FAM216B: variants seen among roughly 807,000 people sequenced by gnomAD.
FAM216B encodes protein FAM216B.
In FAM216B, 11 loss-of-function variants were observed where a neutral mutation model predicts 12.9. That is an observed-to-expected ratio of 0.86 (90% CI 0.54 to 1.42). FAM216B has a LOEUF of 1.42. Among genes scored for constraint, FAM216B ranks in the 40% most tolerant of loss-of-function variants. The pLI is 0.00. For missense variants in FAM216B, 167 were observed against 162.9 expected (o/e 1.02, Z -0.14); for synonymous variants, 52 against 57.2 (o/e 0.91, Z 0.41).
intron 2 of FAM216B, among the ~76,000 whole-genome samples, chr13:42,786,185 T>C (rs1874079680): frequency 6.6e-6 from 1 of 152,234 alleles, no homozygotes; most frequent in South Asian, 2.1e-4. Context: ...AGATGTTGTG[T>C]ATGCCGTTTG....
Position 42,787,094 on chromosome 13 carries a change from G to A in FAM216B, c.220+211G>A, listed in dbSNP as rs74056864. Among the ~76,000 whole-genome samples the A allele has an allele frequency of 0.016, 2,488 of 152,222 alleles. 76 individuals are homozygous for A. The highest frequency in any genetic ancestry group is 0.057 in the African/African-American group (2,354 of 41,524). ...AAATTAATAGGGTTTAAAGAAATTCGAGTATGGATTGTGATAAAATGTTAA... is the reference window on the plus strand; with the variant it reads ...AAATTAATAGGGTTTAAAGAAATTCAAGTATGGATTGTGATAAAATGTTAA... On this transcript the variant is annotated intron_variant, in intron 3 of 3. Coordinates refer to ENST00000313851, the MANE Select transcript of FAM216B (RefSeq NM_001318932.2).
At chr13:42,785,806 AGAGTAT>A (rs11277815) in intron 2 of FAM216B, among the ~76,000 whole-genome samples, 44,231 of 151,744 alleles carry the variant, frequency 0.29, 6,603 homozygotes, top group African/African-American at 0.38. Context: ...TGGTCAGTTA[AGAGTAT>A]GGTGTTTCAG....
rs1203119314 is a variant in FAM216B, at chr13:42,784,119, C to T, written c.52C>T (p.Pro18Ser). 6.3e-7 allele frequency: 1 copy of T among 1,591,406 alleles called. No homozygotes were observed. Among genetic ancestry groups the T allele is most frequent in the African/African-American group, 1.4e-5 (1 of 72,254 alleles). ...QQKLWNVPQLPFIRVPPSIYD... is the reference protein window; with the variant it reads ...QQKLWNVPQLSFIRVPPSIYD... ...AAAGCTTTGGAATGTTCCACAACTT[C>T]CTTTTATTCGAGTTCCTCCCTCCAT... Residue 18 changes from proline (P) to serine (S), a missense_variant, in exon 2 of 4, where the codon CCT becomes TCT. Transcript: ENST00000313851.
At position 42,790,060 on chromosome 13, in the gene FAM216B, A is replaced by G. The variant is rs1422579648; in HGVS notation, c.*1270A>G. 1 of 152,168 alleles carries G rather than the reference A, an allele frequency of 6.6e-6. No homozygotes were observed. The highest frequency in any genetic ancestry group is 1.5e-5 in the Non-Finnish European group (1 of 68,036). The allele number at this position is 152,168 out of a possible 1,614,324, so 9.4% of individuals were successfully genotyped here. A position where few individuals can be genotyped will look rare whatever the true frequency, so the allele number is the denominator to read the frequency against. On this transcript the variant is annotated 3_prime_UTR_variant, in exon 4 of 4. Coordinates refer to ENST00000313851, the MANE Select transcript of FAM216B (RefSeq NM_001318932.2). The stretch of plus-strand genomic sequence containing the variant: ...AGCTAATACTGACCTTGCTGGGGTC[A>G]TTCACTTAATCATAAAGAAGCTTCT...
At chr13:42,782,702 C>T (rs755880930) in intron 1 of FAM216B, among the ~76,000 whole-genome samples, 3 of 152,134 alleles carry the variant, frequency 2.0e-5, no homozygotes, top group Non-Finnish European at 4.4e-5. Flanking sequence ...TATTATTATA[C>T]ACACTTCAGA....
chr13:42,783,829 A>G (rs1373878130), intron 1 of FAM216B, among the ~76,000 whole-genome samples: 1 of 152,094 alleles, frequency 6.6e-6, no homozygotes, highest in East Asian at 1.9e-4. Context: ...CTTCACAAAT[A>G]ATTAATAATT....
chr13:42,785,503 T>G (rs1874050424), intron 2 of FAM216B, among the ~76,000 whole-genome samples: 1 of 152,242 alleles, frequency 6.6e-6, no homozygotes, highest in Non-Finnish European at 1.5e-5. Flanking sequence ...TCTAAAATGT[T>G]GATGCCACTA....
At position 42,789,927 on chromosome 13, in the gene FAM216B, GA is replaced by G. The variant is rs1874255626; in HGVS notation, c.*1139del. 6.6e-6 allele frequency: 1 copy of G among 152,122 alleles called. No individual in the cohort carries two copies. Among genetic ancestry groups the G allele is most frequent in the African/African-American group, 2.4e-5 (1 of 41,424 alleles). The allele number at this position is 152,122 out of a possible 1,614,324, so 9.4% of individuals were successfully genotyped here. ...GATATAAAAATTGTCATGAGATTCT[GA>G]ACACTAGTATTGAGGTCCAGCACTA... On this transcript the variant is annotated 3_prime_UTR_variant, in exon 4 of 4. Coordinates refer to ENST00000313851, the MANE Select transcript of FAM216B (RefSeq NM_001318932.2).
rs1874248060 is a variant in FAM216B, at chr13:42,789,721, T to C, written c.*931T>C. 1 of 152,010 alleles carries C rather than the reference T, an allele frequency of 6.6e-6. No individual in the cohort carries two copies. Among genetic ancestry groups the C allele is most frequent in the Non-Finnish European group, 1.5e-5 (1 of 68,018 alleles). 9.4% of individuals were successfully genotyped at this position (152,010 alleles called of 1,614,324 possible). On this transcript the variant is annotated 3_prime_UTR_variant, in exon 4 of 4. Coordinates refer to ENST00000313851, the MANE Select transcript of FAM216B (RefSeq NM_001318932.2). Reference sequence around the variant, plus strand: ...AAAGTCAAAACAAAAAAATGCTTCTTCCTCATCATTGTAAAATACGTCACC... The same window carrying C: ...AAAGTCAAAACAAAAAAATGCTTCTCCCTCATCATTGTAAAATACGTCACC...
Position 42,790,080 on chromosome 13 carries a change from G to A in FAM216B, c.*1290G>A, listed in dbSNP as rs974689932. The A allele has an allele frequency of 2.0e-5, 3 of 152,098 alleles. No homozygotes were observed. The highest frequency in any genetic ancestry group is 6.6e-5 in the Admixed American group (1 of 15,262). 9.4% of individuals were successfully genotyped at this position (152,098 alleles called of 1,614,324 possible). A position where few individuals can be genotyped will look rare whatever the true frequency, so the allele number is the denominator to read the frequency against. On this transcript the variant is annotated 3_prime_UTR_variant, in exon 4 of 4. Coordinates refer to ENST00000313851, the MANE Select transcript of FAM216B (RefSeq NM_001318932.2). ...GGGTCATTCACTTAATCATAAAGAA[G>A]CTTCTTGACCTCTGCAAATTCTGGC...
Position 42,788,976 on chromosome 13 carries a change from A to G in FAM216B, c.*186A>G. ...GAGGTTTAAGAGCAATGGAGCCGAG[A>G]GTAAGCAAGCCTTTCCACATAACAT... On this transcript the variant is annotated 3_prime_UTR_variant, in exon 4 of 4. Coordinates refer to ENST00000313851, the MANE Select transcript of FAM216B (RefSeq NM_001318932.2). 4 of 520,558 alleles carry G rather than the reference A, an allele frequency of 7.7e-6. No homozygotes were observed. The highest frequency in any genetic ancestry group is 6.7e-6 in the Non-Finnish European group (2 of 300,268). 32.2% of individuals were successfully genotyped at this position (520,558 alleles called of 1,614,324 possible).
chr13:42,784,173 CTTTTTTTT>C lies in FAM216B; in HGVS notation c.99+20_99+27del, dbSNP rs71202236. 2.3e-5 allele frequency: 17 copies of C among 752,758 alleles called. No individual in the cohort carries two copies. The highest frequency in any genetic ancestry group is 1.9e-4 in the African/African-American group (7 of 35,914). 46.6% of individuals were successfully genotyped at this position (752,758 alleles called of 1,614,324 possible). A position where few individuals can be genotyped will look rare whatever the true frequency, so the allele number is the denominator to read the frequency against. On this transcript the variant is annotated splice_region_variant and intron_variant, in intron 2 of 3. Transcript: ENST00000313851. ...TGACACTTCCTTACTAAAGGTATGG[CTTTTTTTT>C]TTTTTTTTTTTTCACAGATAGAGTG...
chr13:42,782,021 G>A (rs1287637851), intron 1 of FAM216B, among the ~76,000 whole-genome samples: 1 of 152,170 alleles, frequency 6.6e-6, no homozygotes, highest in Non-Finnish European at 1.5e-5. Flanking sequence ...AGTATATCTT[G>A]GTTGGTATGG....
chr13:42,785,649 T>A (rs900875664), intron 2 of FAM216B, among the ~76,000 whole-genome samples: 10 of 152,234 alleles, frequency 6.6e-5, no homozygotes, highest in Non-Finnish European at 1.3e-4. Flanking sequence ...TTAAGATATA[T>A]TAGGTATGCA....
rs905156783 is a variant in FAM216B, at chr13:42,791,223, C to T, written c.*2433C>T. The stretch of plus-strand genomic sequence containing the variant: ...GGTTACTGTTGAGTTTTAAATAATA[C>T]ATATATGTAAGCTTCAAAGTAGCAC... On this transcript the variant is annotated 3_prime_UTR_variant, in exon 4 of 4. Transcript: ENST00000313851. The T allele has an allele frequency of 6.6e-6, 1 of 152,120 alleles. No homozygotes were observed. The highest frequency in any genetic ancestry group is 2.4e-5 in the African/African-American group (1 of 41,416). The allele number at this position is 152,120 out of a possible 1,614,324, so 9.4% of individuals were successfully genotyped here. A position where few individuals can be genotyped will look rare whatever the true frequency, so the allele number is the denominator to read the frequency against.
At chr13:42,782,483 A>T (rs1873892949) in intron 1 of FAM216B, among the ~76,000 whole-genome samples, 1 of 152,232 alleles carries the variant, frequency 6.6e-6, no homozygotes, top group Non-Finnish European at 1.5e-5. Context: ...TATTTTCTTC[A>T]GTTAATATAC....
Position 42,790,975 on chromosome 13 carries a change from G to C in FAM216B, c.*2185G>C, listed in dbSNP as rs1027117586. The stretch of plus-strand genomic sequence containing the variant: ...AGTAACCCACAATTGTTGATGAGGA[G>C]TAGCAGTAGAATATCAAGGACAGGT... On this transcript the variant is annotated 3_prime_UTR_variant, in exon 4 of 4. Transcript: ENST00000313851. The C allele has an allele frequency of 6.6e-6, 1 of 152,186 alleles. No homozygotes were observed. The highest frequency in any genetic ancestry group is 1.5e-5 in the Non-Finnish European group (1 of 68,036). 9.4% of individuals were successfully genotyped at this position (152,186 alleles called of 1,614,324 possible). A position where few individuals can be genotyped will look rare whatever the true frequency, so the allele number is the denominator to read the frequency against.
rs1448769932 is a variant in FAM216B, at chr13:42,789,041, G to A, written c.*251G>A. ...GACTTTTAAAGCTTTCAAAGTAAAA[G>A]TTTACTTTGGATTAGAACCTCCTAG... On this transcript the variant is annotated 3_prime_UTR_variant, in exon 4 of 4. Coordinates refer to ENST00000313851, the MANE Select transcript of FAM216B (RefSeq NM_001318932.2). The A allele has an allele frequency of 3.2e-6, 1 of 307,892 alleles. No homozygotes were observed. Among genetic ancestry groups the A allele is most frequent in the Non-Finnish European group, 6.0e-6 (1 of 165,352 alleles). 19.1% of individuals were successfully genotyped at this position (307,892 alleles called of 1,614,324 possible).
chr13:42,786,103 A>G (rs11619487), intron 2 of FAM216B, among the ~76,000 whole-genome samples: 21,738 of 152,166 alleles, frequency 0.14, 1,621 homozygotes, highest in Middle Eastern at 0.19. Context: ...TTCCCCTAAC[A>G]GTCTTTTCAC....
Sources: gnomAD v4.1 joint callset for allele counts (sites outside exome capture counted in the v4.1 genomes callset) on GRCh38, gnomAD v4.1.1 for gene constraint, MANE v1.5 for transcripts, NCBI Gene and HGNC (gene_info 2026-07-23, HGNC 2026-07-21) for gene names.